NFATC1: variants seen among roughly 807,000 people sequenced by gnomAD.
NFATC1 encodes nuclear factor of activated T cells 1, also known as nuclear factor of activated T-cells, cytoplasmic 1.
Under a neutral mutation model 76.0 loss-of-function variants are expected in NFATC1, and 22 were observed. The observed-to-expected ratio is 0.29, with a 90% CI of 0.21 to 0.41. The LOEUF is 0.41. Among genes scored for constraint, NFATC1 ranks in the 10% least tolerant of loss-of-function variants. NFATC1 has a pLI of 1.00. For missense variants in NFATC1, 1,357 were observed against 1,337.7 expected (o/e 1.01, Z -0.23); for synonymous variants, 704 against 613.1 (o/e 1.15, Z -2.19).
At chr18:79,466,313 C>T (rs2088491190) in intron 7 of NFATC1, among the ~76,000 whole-genome samples, 1 of 152,230 alleles carries the variant, frequency 6.6e-6, no homozygotes, top group South Asian at 2.1e-4. Context: ...TTTTCTCCTG[C>T]TTGTTAAACT....
In NFATC1 at chr18:79,524,474, G is replaced by A. The variant is rs1209177272; in HGVS notation, c.2783-3054G>A. On this transcript the variant is annotated intron_variant, in intron 9 of 9. Coordinates refer to ENST00000427363, the MANE Select transcript of NFATC1 (RefSeq NM_001278669.2). This position sits in a 1 kb window ranked among gnomAD's most constrained non-coding sequence, Gnocchi z 7.2. ...TGCCATGGGGCAGCGGGAAGGCCCT[G>A]GAGGGTGCCTGGGCTGTGTCTGGTC... Among the ~76,000 whole-genome samples the A allele has an allele frequency of 2.6e-5, 4 of 152,198 alleles. No individual in the cohort carries two copies. The highest frequency in any genetic ancestry group is 9.6e-5 in the African/African-American group (4 of 41,456).
chr18:79,448,045 C>T (rs1280101915), intron 3 of NFATC1, among the ~76,000 whole-genome samples: 1 of 152,214 alleles, frequency 6.6e-6, no homozygotes, highest in Non-Finnish European at 1.5e-5. Flanking sequence ...ACCGGGGCTG[C>T]TCCATTTGTC....
In NFATC1 at chr18:79,510,706, A is replaced by G. The variant is rs561604727; in HGVS notation, c.2783-16822A>G. On this transcript the variant is annotated intron_variant, in intron 9 of 9. Transcript: ENST00000427363. ...CTGGGTTTGGGAGCGGTCGGTTGATAGAATTTCTTCTAGAAGACAGGGTGT... is the reference window on the plus strand; with the variant it reads ...CTGGGTTTGGGAGCGGTCGGTTGATGGAATTTCTTCTAGAAGACAGGGTGT... Among the ~76,000 whole-genome samples, 31 of 152,390 alleles carry G rather than the reference A, an allele frequency of 2.0e-4. No individual in the cohort carries two copies. The East Asian group carries it at 4.4e-3, about 22-fold the overall frequency.
At chr18:79,521,619 TGTGGG>T (rs1337286393) in intron 9 of NFATC1, among the ~76,000 whole-genome samples, 2 of 6,492 alleles carry the variant, frequency 3.1e-4, no homozygotes, top group Non-Finnish European at 6.3e-4. Flanking sequence ...TGTCTGTGTG[TGTGGG>T]GGGGGGGGCA....
intron 3 of NFATC1, among the ~76,000 whole-genome samples, chr18:79,441,380 C>T (rs372103169): frequency 2.0e-5 from 3 of 152,288 alleles, no homozygotes; most frequent in African/African-American, 7.2e-5. Context: ...CGCTCCTGGG[C>T]CTCTCTCCCC....
intron 3 of NFATC1, among the ~76,000 whole-genome samples, chr18:79,444,676 C>T (rs1302475511): frequency 6.6e-6 from 1 of 152,176 alleles, no homozygotes; most frequent in Non-Finnish European, 1.5e-5. Flanking sequence ...CCTGTGGGCA[C>T]CCACGTGCCC....
rs112798599 is a variant in NFATC1, at chr18:79,469,878, G to A, written c.2092+2296G>A. ...CCACCTGGTCCTGGGGGCTGCGACC[G>A]CAACCTGCACCAGACTGTGAGCCCC... On this transcript the variant is annotated intron_variant, in intron 8 of 9. Coordinates refer to ENST00000427363, the MANE Select transcript of NFATC1 (RefSeq NM_001278669.2). The A allele has an allele frequency of 3.0e-3, 2,977 of 985,420 alleles. 69 individuals are homozygous for A. The African/African-American group carries it at 0.044, about 15-fold the overall frequency. 61.0% of individuals were successfully genotyped at this position (985,420 alleles called of 1,614,324 possible).
In NFATC1 at chr18:79,400,355, GACCCCGGCTCCC is replaced by G. The variant is rs1261543313; in HGVS notation, c.127+4005_127+4016del. 2.9e-6 allele frequency: 4 copies of G among 1,389,678 alleles called. No homozygotes were observed. The Admixed American group carries it at 9.2e-5, about 32-fold the overall frequency. The allele number at this position is 1,389,678 out of a possible 1,614,324, so 86.1% of individuals were successfully genotyped here. ...GGAGAACCGAACCCCTGGCGGCCGC[GACCCCGGCTCCC>G]GCCCCGGCCCCGGCCCGACCCGCCA... On this transcript the variant is annotated intron_variant, in intron 1 of 9. Coordinates refer to ENST00000427363, the MANE Select transcript of NFATC1 (RefSeq NM_001278669.2).
intron 2 of NFATC1, among the ~76,000 whole-genome samples, chr18:79,426,938 T>A (rs1046397430): frequency 2.6e-5 from 4 of 152,214 alleles, no homozygotes; most frequent in African/African-American, 9.6e-5. Context: ...AGGGAAGCTC[T>A]GCAGGAGCTC....
chr18:79,472,698 C>T (rs74569193), intron 8 of NFATC1, among the ~76,000 whole-genome samples: 15,603 of 152,146 alleles, frequency 0.1, 1,040 homozygotes, highest in Non-Finnish European at 0.15. Context: ...GCTCGGCTCT[C>T]ACTGCAGAGT....
chr18:79,527,385 T>C (rs451691), intron 9 of NFATC1, 143 bp from the exon 10 acceptor site: 423,496 of 684,464 alleles, frequency 0.62, 135,488 homozygotes, highest in East Asian at 0.92. Context: ...TGGACCAGGG[T>C]GGGACCGAGG....
intron 9 of NFATC1, among the ~76,000 whole-genome samples, chr18:79,523,384 GT>G (rs1230882910): frequency 6.6e-6 from 1 of 152,248 alleles, no homozygotes; most frequent in Admixed American, 6.5e-5. Flanking sequence ...TGAACTTTGG[GT>G]AGCTCACTAC....
chr18:79,526,162 C>T (rs2090757332), intron 9 of NFATC1, among the ~76,000 whole-genome samples: 1 of 152,240 alleles, frequency 6.6e-6, no homozygotes, highest in Non-Finnish European at 1.5e-5. Context: ...CTGCCGTGCG[C>T]ACTCTGGGAC....
chr18:79,490,556 T>G (rs1292593873), intron 9 of NFATC1, among the ~76,000 whole-genome samples: 2 of 152,222 alleles, frequency 1.3e-5, no homozygotes, highest in East Asian at 3.9e-4. Context: ...CCTGAGCACC[T>G]GGGGGCAGGT....
intron 6 of NFATC1, among the ~76,000 whole-genome samples, chr18:79,459,660 GC>G (rs1452766093): frequency 1.3e-5 from 2 of 152,106 alleles, no homozygotes; most frequent in Non-Finnish European, 2.9e-5. Flanking sequence ...GCAAACTATA[GC>G]CTGTTGCGCC....
At chr18:79,421,849 C>T (rs1438549607) in intron 2 of NFATC1, 2 of 152,320 alleles carry the variant, frequency 1.3e-5, no homozygotes, top group Non-Finnish European at 2.9e-5. Flanking sequence ...GAGCGCGAAG[C>T]TGGAAGCTTG....
At chr18:79,451,312 C>CG (rs1568978327) in intron 5 of NFATC1, among the ~76,000 whole-genome samples, 186 bp downstream of exon 5, 1 of 152,240 alleles carries the variant, frequency 6.6e-6, no homozygotes, top group African/African-American at 2.4e-5. Flanking sequence ...TGTGGCCTCC[C>CG]GGGGGCCCCT....
intron 1 of NFATC1, among the ~76,000 whole-genome samples, chr18:79,403,662 G>A (rs868546707): frequency 2.6e-5 from 4 of 152,272 alleles, no homozygotes; most frequent in Admixed American, 1.3e-4. Flanking sequence ...GCCACCCTCC[G>A]AACCTCTGTG....
chr18:79,423,367 G>A (rs2086167714), intron 2 of NFATC1, among the ~76,000 whole-genome samples: 1 of 152,244 alleles, frequency 6.6e-6, no homozygotes, highest in Admixed American at 6.5e-5. Context: ...GGCACTCCCT[G>A]TCTGGGGACG....
Sources: gnomAD v4.1 joint callset for allele counts (sites outside exome capture counted in the v4.1 genomes callset) on GRCh38, gnomAD v4.1.1 for gene constraint, Gnocchi (gnomAD v3.1) non-coding constraint, MANE v1.5 for transcripts, NCBI Gene and HGNC (gene_info 2026-07-23, HGNC 2026-07-21) for gene names.